ABCA13: variants seen among roughly 807,000 people sequenced by gnomAD.
The protein encoded by ABCA13 is ATP binding cassette subfamily A member 13.
ABCA13 carries 476 observed loss-of-function variants against 478.7 expected under a neutral mutation model. The ratio of observed to expected loss-of-function variants is 0.99; its 90% CI spans 0.92 to 1.07. ABCA13 has a LOEUF of 1.07. Among genes scored for constraint, ABCA13 ranks in the 50% least tolerant of loss-of-function variants. The pLI, the probability that ABCA13 is intolerant of heterozygous loss-of-function variation, is 0.00. For synonymous variants in ABCA13, 2,252 were observed against 2,158.9 expected, an observed-to-expected ratio of 1.04 and a Z score of -1.20; for missense variants, 6,060 against 5,910.6, an observed-to-expected ratio of 1.03 and a Z score of -0.83.
At position 48,275,182 on chromosome 7, in the gene ABCA13, A is replaced by G. The variant is rs2128758605; in HGVS notation, c.5516A>G (p.Asp1839Gly). ...GGATTTCGGCAGAATTCAAAGATAG[A>G]CCCCTGCAATGTCCATGGGCTCATG... ...NSGFRQNSKI[D>G]PCNVHGLMSS... Residue 1839 changes from aspartate to glycine, a missense_variant, in exon 17 of 62, where the codon GAC becomes GGC. This residue lies in a region of ABCA13 where 4,423 missense variants were observed against 4,309.1 expected (regional missense o/e 1.03). Transcript: ENST00000435803. 6.2e-7 allele frequency: 1 copy of G among 1,613,842 alleles called. No homozygotes were observed. Among genetic ancestry groups the G allele is most frequent in the Admixed American group, 1.7e-5 (1 of 59,976 alleles).
At chr7:48,428,069 T>A (rs2129138121) in intron 42 of ABCA13, among the ~76,000 whole-genome samples, 198 bp downstream of exon 42, 1 of 151,122 alleles carries the variant, frequency 6.6e-6, no homozygotes, top group East Asian at 2.0e-4. Flanking sequence ...AAAAAAAAAC[T>A]GTGTGTTTAT....
At position 48,570,850 on chromosome 7, in the gene ABCA13, T is replaced by C. The variant is rs543252415; in HGVS notation, c.14355-9374T>C. Among the ~76,000 whole-genome samples, 5 of 152,314 alleles carry C rather than the reference T, an allele frequency of 3.3e-5. No homozygotes were observed. In the South Asian group the frequency reaches 8.3e-4, roughly 25 times the overall value. On this transcript the variant is annotated intron_variant, in intron 55 of 61. Coordinates refer to ENST00000435803, the MANE Select transcript of ABCA13 (RefSeq NM_152701.5). Reference sequence around the variant, plus strand: ...TTCCACCATTTTACTATTTGTTTTCTATATTTCCTCTATATTTTTCATTCC... The same window carrying C: ...TTCCACCATTTTACTATTTGTTTTCCATATTTCCTCTATATTTTTCATTCC...
At chr7:48,225,456 T>C (rs1446212633) in intron 5 of ABCA13, among the ~76,000 whole-genome samples, 2 of 152,132 alleles carry the variant, frequency 1.3e-5, no homozygotes, top group Non-Finnish European at 2.9e-5. Context: ...AATCAGAAAA[T>C]TAACACTAAT....
At chr7:48,582,000 T>G (rs1346989104) in intron 56 of ABCA13, among the ~76,000 whole-genome samples, 1 of 152,234 alleles carries the variant, frequency 6.6e-6, no homozygotes, top group Non-Finnish European at 1.5e-5. Flanking sequence ...GTTTTATCTT[T>G]CAGTATTTAT....
chr7:48,232,164 T>TTTTTTTTTTG (rs1554360466), intron 7 of ABCA13, among the ~76,000 whole-genome samples: 1 of 132,830 alleles, frequency 7.5e-6, no homozygotes, highest in Non-Finnish European at 1.6e-5. Flanking sequence ...TTTTTTTTTT[T>TTTTTTTTTTG]AGCTTTCTGT....
chr7:48,260,933 A>G (rs992290328), intron 15 of ABCA13, among the ~76,000 whole-genome samples: 1 of 151,908 alleles, frequency 6.6e-6, no homozygotes, highest in African/African-American at 2.4e-5. Context: ...CATATCTTCC[A>G]GCAACTTTTT....
intron 41 of ABCA13, among the ~76,000 whole-genome samples, chr7:48,420,422 A>G (rs1214531372): frequency 6.6e-6 from 1 of 152,224 alleles, no homozygotes; most frequent in Admixed American, 6.5e-5. Flanking sequence ...TTGGCTTTGC[A>G]TATGGAATAT....
chr7:48,280,621 C>A (rs1178640012), intron 18 of ABCA13, among the ~76,000 whole-genome samples: 2 of 149,418 alleles, frequency 1.3e-5, no homozygotes, highest in Non-Finnish European at 3.0e-5. Flanking sequence ...GTCTCTGTTT[C>A]TCCCTGCTTT....
rs1021845359 is a variant in ABCA13 at position 48,645,711 on chromosome 7, T to A, written c.*199T>A. 3.0e-5 allele frequency: 16 copies of A among 532,138 alleles called. No homozygotes were observed. Among genetic ancestry groups the A allele is most frequent in the African/African-American group, 2.8e-4 (14 of 50,720 alleles). 33.0% of individuals were successfully genotyped at this position (532,138 alleles called of 1,614,324 possible). A position where few individuals can be genotyped will look rare whatever the true frequency, so the allele number is the denominator to read the frequency against. The stretch of plus-strand genomic sequence containing the variant: ...TGGAAAGGTCATTCTTTCTGCAGAC[T>A]TTTGGGGAGCTCCTCCAAAACATTT... On this transcript the variant is annotated 3_prime_UTR_variant, in exon 62 of 62. Coordinates refer to ENST00000435803, the MANE Select transcript of ABCA13 (RefSeq NM_152701.5).
rs1247196847 is a variant in ABCA13 at position 48,389,029 on chromosome 7, C to G, written c.11474-11C>G. ...AAGTCTTTTCACAATGAATTTTCAT[C>G]TCTCTCACAGGGTCATCACTGCAAA... On this transcript the variant is annotated splice_polypyrimidine_tract_variant and intron_variant, in intron 36 of 61. Transcript: ENST00000435803. 6.2e-7 allele frequency: 1 copy of G among 1,605,586 alleles called. No homozygotes were observed. The highest frequency in any genetic ancestry group is 2.2e-5 in the East Asian group (1 of 44,742).
intron 58 of ABCA13, among the ~76,000 whole-genome samples, chr7:48,596,539 C>G (rs144205910): frequency 6.6e-6 from 1 of 152,224 alleles, no homozygotes; most frequent in East Asian, 1.9e-4. Context: ...GGCTAGGTGC[C>G]GTGGCTCATG....
intron 55 of ABCA13, among the ~76,000 whole-genome samples, chr7:48,552,827 C>G (rs1305630638): frequency 6.6e-6 from 1 of 151,724 alleles, no homozygotes; most frequent in East Asian, 1.9e-4. Flanking sequence ...TTTGTTATAA[C>G]AATCCAATTA....
intron 26 of ABCA13, among the ~76,000 whole-genome samples, chr7:48,315,596 C>T (rs938555442): frequency 9.9e-5 from 15 of 152,014 alleles, no homozygotes; most frequent in Non-Finnish European, 1.9e-4. Flanking sequence ...TCTCCTGCCT[C>T]AGCCTCCCGA....
At chr7:48,231,627 A>G (rs989089963) in intron 7 of ABCA13, among the ~76,000 whole-genome samples, 30 of 152,068 alleles carry the variant, frequency 2.0e-4, no homozygotes, top group African/African-American at 6.8e-4. Context: ...TCCATCAGCC[A>G]CTTTCTCCTG....
chr7:48,336,484 G>A (rs1806283624), intron 28 of ABCA13, among the ~76,000 whole-genome samples: 1 of 152,156 alleles, frequency 6.6e-6, no homozygotes, highest in African/African-American at 2.4e-5. Flanking sequence ...AGGGTCGGGT[G>A]GAAGCATCCT....
chr7:48,425,543 G>C (rs1821281346), intron 41 of ABCA13, among the ~76,000 whole-genome samples: 1 of 152,072 alleles, frequency 6.6e-6, no homozygotes, highest in African/African-American at 2.4e-5. Flanking sequence ...AAGGATAATA[G>C]TACTCATCTC....
At chr7:48,364,957 T>C (rs1055764777) in intron 31 of ABCA13, among the ~76,000 whole-genome samples, 1 of 152,168 alleles carries the variant, frequency 6.6e-6, no homozygotes, top group Non-Finnish European at 1.5e-5. Context: ...ATTGTAGTTA[T>C]ATTTTTTAGT....
chr7:48,625,885 T>C (rs1793616779), intron 59 of ABCA13, among the ~76,000 whole-genome samples: 1 of 152,220 alleles, frequency 6.6e-6, no homozygotes, highest in South Asian at 2.1e-4. Flanking sequence ...TGTTGGGGAC[T>C]CAGACTCACA....
chr7:48,367,249 A>C (rs1811820095), intron 31 of ABCA13, among the ~76,000 whole-genome samples: 1 of 152,182 alleles, frequency 6.6e-6, no homozygotes, highest in African/African-American at 2.4e-5. Context: ...TGACTGGATA[A>C]TTCTCATTGG....
Sources: allele counts gnomAD v4.1 joint callset (sites outside exome capture counted in the v4.1 genomes callset), GRCh38; gene constraint gnomAD v4.1.1; regional missense constraint gnomAD v4.1.1; transcripts MANE v1.5; gene names NCBI Gene and HGNC (gene_info 2026-07-23, HGNC 2026-07-21).